The following FCRL1 variants were observed in gnomAD, a reference collection of about 807,000 sequenced individuals.
FCRL1 encodes Fc receptor-like protein 1.
FCRL1 carries 34 observed loss-of-function variants against 49.2 expected under a neutral mutation model. The observed-to-expected ratio is 0.69, with a 90% CI of 0.53 to 0.92. The LOEUF (loss-of-function observed/expected upper bound fraction) is 0.92, where lower values mean the gene tolerates loss of function less well. Ranked by LOEUF, FCRL1 falls within the 40% of genes least tolerant of loss-of-function variation. FCRL1 has a pLI of 0.00. For synonymous variants in FCRL1, 218 were observed against 201.6 expected (o/e 1.08, Z -0.69); for missense variants, 524 against 524.1 (o/e 1.00, Z 0.00).
Position 157,815,709 on chromosome 1 carries a change from C to A in FCRL1, c.31+4298G>T, listed in dbSNP as rs77337579. ...AAACAAAATTGACAAACTAGCTAGACTAAATAAGAAAAAGGAGAGAAAATT... is the reference window on the plus strand; with the variant it reads ...AAACAAAATTGACAAACTAGCTAGAATAAATAAGAAAAAGGAGAGAAAATT... On this transcript the variant is annotated intron_variant, in intron 1 of 10. Coordinates refer to ENST00000368176, the MANE Select transcript of FCRL1 (RefSeq NM_052938.5). Among the ~76,000 whole-genome samples, 508 of 151,068 alleles carry A rather than the reference C, an allele frequency of 3.4e-3. 3 individuals carry two copies. The highest frequency in any genetic ancestry group is 0.012 in the African/African-American group (492 of 41,266).
At chr1:157,816,349 C>T (rs1349931958) in intron 1 of FCRL1, among the ~76,000 whole-genome samples, 1 of 151,806 alleles carries the variant, frequency 6.6e-6, no homozygotes, top group Non-Finnish European at 1.5e-5. Context: ...ATAAAAACCA[C>T]ATGATCAATA....
chr1:157,803,286 C>A (rs1227582774), intron 3 of FCRL1, among the ~76,000 whole-genome samples: 1 of 152,154 alleles, frequency 6.6e-6, no homozygotes, highest in Non-Finnish European at 1.5e-5. Flanking sequence ...TGCTTCATGG[C>A]ACGACAGAAT....
intron 8 of FCRL1, 29 bp downstream of exon 8, chr1:157,798,132 G>T (rs762462747): frequency 2.5e-6 from 4 of 1,597,320 alleles, no homozygotes; most frequent in Middle Eastern, 1.7e-4. Context: ...CTGTACCATC[G>T]TTGGCCTGGG....
intron 6 of FCRL1, 94 bp from the exon 7 acceptor site, chr1:157,800,179 T>C: frequency 8.3e-7 from 1 of 1,208,484 alleles, no homozygotes; most frequent in East Asian, 2.4e-5. Flanking sequence ...GGGATATGCC[T>C]CATGCTCAGA....
At chr1:157,814,436 A>G (rs114791089) in intron 1 of FCRL1, among the ~76,000 whole-genome samples, 1,934 of 152,126 alleles carry the variant, frequency 0.013, 34 homozygotes, top group African/African-American at 0.045. Flanking sequence ...CCTCATGGTA[A>G]CCACAAAGAA....
rs1337147540 is a variant in FCRL1, at chr1:157,796,147, C to T, written c.1242G>A (p.Arg414=). The T allele has an allele frequency of 6.2e-7, 1 of 1,613,982 alleles. No individual in the cohort carries two copies. The highest frequency in any genetic ancestry group is 1.1e-5 in the South Asian group (1 of 91,078). Residue 414 remains arginine (R), a synonymous_variant, in exon 11 of 11, where the codon AGG becomes AGA. Transcript: ENST00000368176. ...EDKVSLDIYS[R]LRKANITDVD... Reference sequence around the variant, plus strand: ...CATCTGTAATGTTTGCTTTCCTCAGCCTGGAATAGATGTCTAAGGAAACCT... The same window carrying T: ...CATCTGTAATGTTTGCTTTCCTCAGTCTGGAATAGATGTCTAAGGAAACCT...
intron 6 of FCRL1, among the ~76,000 whole-genome samples, chr1:157,800,339 C>G (rs539902486): frequency 6.6e-6 from 1 of 152,314 alleles, no homozygotes; most frequent in Admixed American, 6.5e-5. Flanking sequence ...GGACCCAAGT[C>G]TCTAAACTTG....
At position 157,813,589 on chromosome 1, in the gene FCRL1, T is replaced by A. The variant is rs565160668; in HGVS notation, c.31+6418A>T. 6.7e-3 allele frequency among the ~76,000 whole-genome samples: 1,024 copies of A among 152,290 alleles called. 6 individuals are homozygous for A. Among genetic ancestry groups the A allele is most frequent in the African/African-American group, 0.022 (901 of 41,566 alleles). ...GAAAGTGAAGAAAGCCTACAGGACTTATGGGACACCATTAAGTGGGCAAAT... is the reference window on the plus strand; with the variant it reads ...GAAAGTGAAGAAAGCCTACAGGACTAATGGGACACCATTAAGTGGGCAAAT... On this transcript the variant is annotated intron_variant, in intron 1 of 10. Coordinates refer to ENST00000368176, the MANE Select transcript of FCRL1 (RefSeq NM_052938.5).
intron 2 of FCRL1, 103 bp downstream of exon 2, chr1:157,806,999 G>T: frequency 7.9e-7 from 1 of 1,271,716 alleles, no homozygotes; most frequent in Non-Finnish European, 1.1e-6. Flanking sequence ...GATATGTTTT[G>T]GGCAGGAAGG....
In FCRL1 at chr1:157,807,294, A is replaced by G. The variant is rs551448223; in HGVS notation, c.32-172T>C. 4.5e-3 allele frequency among the ~76,000 whole-genome samples: 676 copies of G among 149,460 alleles called. 6 individuals are homozygous for G. Among genetic ancestry groups the G allele is most frequent in the Non-Finnish European group, 7.9e-3 (529 of 67,368 alleles). On this transcript the variant is annotated intron_variant, in intron 1 of 10. Transcript: ENST00000368176. ...TCTCTCTTCTCCCCTTCCTTCTTTC[A>G]TCTTCTCTTCCTCCCTCCTTATCTT...
At chr1:157,804,904 G>A (rs1279906344) in intron 2 of FCRL1, among the ~76,000 whole-genome samples, 2 of 150,032 alleles carry the variant, frequency 1.3e-5, no homozygotes, top group East Asian at 3.9e-4. Flanking sequence ...CTGACTCTCA[G>A]GCTTGAGTTC....
chr1:157,807,844 A>G (rs1031706514), intron 1 of FCRL1, among the ~76,000 whole-genome samples: 1 of 152,186 alleles, frequency 6.6e-6, no homozygotes, highest in Non-Finnish European at 1.5e-5. Context: ...ACTGTGGGAG[A>G]AATGTTTCAC....
chr1:157,802,737 G>A, intron 3 of FCRL1, 73 bp from the exon 4 acceptor site: 1 of 1,458,650 alleles, frequency 6.9e-7, no homozygotes, highest in Non-Finnish European at 9.2e-7. Context: ...AGATATGACG[G>A]TCCTGAAAGC....
intron 1 of FCRL1, among the ~76,000 whole-genome samples, chr1:157,812,187 TAA>T (rs1654421928): frequency 6.6e-6 from 1 of 152,156 alleles, no homozygotes; most frequent in Non-Finnish European, 1.5e-5. Context: ...CCAAACAGCC[TAA>T]GTGTCCTGCC....
rs4971154 is a variant in FCRL1, at chr1:157,802,090, C to G, written c.711G>C (p.Pro237=). 1.2e-6 allele frequency: 2 copies of G among 1,613,944 alleles called. No homozygotes were observed. Reference sequence around the variant, plus strand: ...CCTCGTGATAAAACCAGTACAGGATCGGAGGAGAGCCTCTCAGGGCCTCAC... The same window carrying G: ...CCTCGTGATAAAACCAGTACAGGATGGGAGGAGAGCCTCTCAGGGCCTCAC... ...LHCEALRGSP[P]ILYWFYHEDI... The change falls in exon 5 of 11, where the codon CCG becomes CCC. Residue 237 remains proline, a synonymous_variant. Coordinates refer to ENST00000368176, the MANE Select transcript of FCRL1 (RefSeq NM_052938.5).
rs570365970 is a variant in FCRL1, at chr1:157,802,190, G to A, written c.611C>T (p.Pro204Leu). The part of the protein sequence containing the change: ...SGLVSITVRI[P>L]VSRPILMLRA... ...GAGCATGAGGATTGGGCGAGACACC[G>A]GGACTGAGGGAGACAGTAGACTGTA... is the stretch of plus-strand genomic sequence containing the variant. The change falls in exon 5 of 11, where the codon CCG (proline) becomes CTG (leucine). Residue 204 changes from proline to leucine, a missense_variant. Transcript: ENST00000368176. The A allele has an allele frequency of 4.3e-5, 70 of 1,612,230 alleles. No individual in the cohort carries two copies. The highest frequency in any genetic ancestry group is 1.7e-4 in the Middle Eastern group (1 of 6,044).
intron 10 of FCRL1, among the ~76,000 whole-genome samples, chr1:157,796,498 T>C (rs549502076): frequency 6.6e-6 from 1 of 152,378 alleles, no homozygotes; most frequent in South Asian, 2.1e-4. Context: ...AAATGTAGCA[T>C]GTCACTGGAC....
intron 1 of FCRL1, among the ~76,000 whole-genome samples, chr1:157,814,485 A>G (rs1343391178): frequency 6.6e-6 from 1 of 152,032 alleles, no homozygotes; most frequent in Non-Finnish European, 1.5e-5. Context: ...GAGAGAAAGG[A>G]ATCAAAGCCT....
chr1:157,797,590 T>G, intron 9 of FCRL1: 1 of 667,404 alleles, frequency 1.5e-6, no homozygotes, highest in Non-Finnish European at 2.6e-6. Context: ...TGTTGGGAGG[T>G]CAGGAAGAGG....
Sources: allele counts gnomAD v4.1 joint callset (sites outside exome capture counted in the v4.1 genomes callset), GRCh38; gene constraint gnomAD v4.1.1; transcripts MANE v1.5; gene names NCBI Gene and HGNC (gene_info 2026-07-23, HGNC 2026-07-21).